Variants in CASC3 observed in about 807,000 individuals in gnomAD.
The protein encoded by CASC3 is CASC3 exon junction complex subunit, also known as protein CASC3.
Under a neutral mutation model 80.5 loss-of-function variants are expected in CASC3, and 30 were observed. The observed-to-expected ratio is 0.37, with a 90% CI of 0.28 to 0.51. The LOEUF (loss-of-function observed/expected upper bound fraction) is 0.51. CASC3 is among the 20% of genes least tolerant of loss of function. The pLI, the probability that CASC3 is intolerant of heterozygous loss-of-function variation, is 0.94. For missense variants in CASC3, 824 were observed against 922.2 expected (o/e 0.89, Z 1.38); for synonymous variants, 312 against 333.6 (o/e 0.94, Z 0.70).
At position 40,140,693 on chromosome 17, in the gene CASC3, C is replaced by T; in HGVS notation, c.145C>T (p.Pro49Ser). ...CGGAGGCGGCGGCAGCGGCTCTCTG[C>T]CTTCACAGCGCGGAGGCCGAACCGG... ...SAGGGGSGSL[P>S]SQRGGRTGAL... is the part of the protein sequence containing the mutation. Residue 49 changes from proline (P) to serine (S), a missense_variant, in exon 1 of 14, where the codon CCT (proline) becomes TCT (serine). This residue lies in a region of CASC3 where 159 missense variants were observed against 122.2 expected (regional missense o/e 1.30). Transcript: ENST00000264645. 1 of 1,590,786 alleles carries T rather than the reference C, an allele frequency of 6.3e-7. No homozygotes were observed. The highest frequency in any genetic ancestry group is 8.5e-7 in the Non-Finnish European group (1 of 1,170,508).
chr17:40,165,009 C>T (rs1046320829), intron 7 of CASC3, among the ~76,000 whole-genome samples: 5 of 148,718 alleles, frequency 3.4e-5, no homozygotes, highest in African/African-American at 1.2e-4. Flanking sequence ...CAAGCTCTGC[C>T]TCCTGGGTTC....
chr17:40,167,540 C>T lies in CASC3; in HGVS notation c.1579C>T (p.Gln527Ter). ...AGCCAAACGCTATTCATCCCAGCGG[C>T]AAAGACCTGTGCCAGAGCCCCCCGC... is the stretch of plus-strand genomic sequence containing the variant. ...GRAKRYSSQR[Q>*]RPVPEPPAPP... Residue 527 changes from glutamine to a stop codon, truncating the protein, a stop_gained, in exon 9 of 14, where the codon CAA becomes TAA. Coordinates refer to ENST00000264645, the MANE Select transcript of CASC3 (RefSeq NM_007359.5). LOFTEE classifies it high-confidence loss of function. The T allele has an allele frequency of 6.2e-7, 1 of 1,614,110 alleles. No individual in the cohort carries two copies. Among genetic ancestry groups the T allele is most frequent in the Non-Finnish European group, 8.5e-7 (1 of 1,180,008 alleles).
intron 13 of CASC3, among the ~76,000 whole-genome samples, chr17:40,169,964 C>T (rs1212168761): frequency 6.6e-6 from 1 of 151,910 alleles, no homozygotes; most frequent in African/African-American, 2.4e-5. Context: ...CCATATTGGC[C>T]AGGCTGGTCT....
chr17:40,143,498 C>CATGGTGACTACAGTCAACCAGTAA (rs1256951273), intron 3 of CASC3, among the ~76,000 whole-genome samples: 2 of 151,980 alleles, frequency 1.3e-5, no homozygotes, highest in African/African-American at 4.8e-5. Flanking sequence ...ATATTTGCAA[C>CATGGTGACTACAGTCAACCAGTAA]ATGGTGACTA....
chr17:40,171,802 ATTCC>A lies in CASC3; in HGVS notation c.*1402_*1405del. ...TCTCCCCGGTAATGTCACTGTTTTT[ATTCC>A]TTCCATCTAGCAGCTGGCCTAATCA... On this transcript the variant is annotated 3_prime_UTR_variant, in exon 14 of 14. Coordinates refer to ENST00000264645, the MANE Select transcript of CASC3 (RefSeq NM_007359.5). 8.5e-7 allele frequency: 1 copy of A among 1,171,420 alleles called. No homozygotes were observed. Among genetic ancestry groups the A allele is most frequent in the South Asian group, 1.7e-5 (1 of 58,850 alleles). The allele number at this position is 1,171,420 out of a possible 1,614,324, so 72.6% of individuals were successfully genotyped here.
At chr17:40,153,044 G>A (rs1172614875) in intron 3 of CASC3, among the ~76,000 whole-genome samples, 2 of 152,030 alleles carry the variant, frequency 1.3e-5, no homozygotes, top group Non-Finnish European at 2.9e-5. Flanking sequence ...CAAAGTGCTG[G>A]GATTACAGGT....
At chr17:40,156,221 G>A (rs182589870) in intron 3 of CASC3, among the ~76,000 whole-genome samples, 1 of 152,210 alleles carries the variant, frequency 6.6e-6, no homozygotes, top group East Asian at 1.9e-4. Context: ...CTAGTCTTGA[G>A]GAGGAAAAAC....
intron 1 of CASC3, 160 bp from the exon 2 acceptor site, chr17:40,141,047 C>G: frequency 1.4e-6 from 1 of 712,692 alleles, no homozygotes; most frequent in Non-Finnish European, 2.4e-6. Flanking sequence ...GGGAAGGAGA[C>G]CAGACCTGCC....
At chr17:40,146,432 CTTTTTT>C (rs761549032) in intron 3 of CASC3, among the ~76,000 whole-genome samples, 1 of 134,936 alleles carries the variant, frequency 7.4e-6, no homozygotes, top group South Asian at 2.4e-4. Flanking sequence ...AGTACGATTT[CTTTTTT>C]TTTTTTTTTT....
In CASC3 at chr17:40,168,399, T is replaced by C; in HGVS notation, c.1947T>C (p.His649=). 2 of 1,613,700 alleles carry C rather than the reference T, an allele frequency of 1.2e-6. No homozygotes were observed. Among genetic ancestry groups the C allele is most frequent in the East Asian group, 2.2e-5 (1 of 44,882 alleles). Residue 649 remains histidine, a synonymous_variant, in exon 11 of 14, where the codon CAT becomes CAC. Coordinates refer to ENST00000264645, the MANE Select transcript of CASC3 (RefSeq NM_007359.5). The stretch of plus-strand genomic sequence containing the variant: ...CACTGCCTCCCCCACCACCGCCTCA[T>C]CTGTATCCTAATACACAGGTGAGAT... ...PGALPPPPPP[H]LYPNTQAPSQ... is the part of the protein sequence containing the mutation.
chr17:40,151,926 C>T (rs1156663769), intron 3 of CASC3, among the ~76,000 whole-genome samples: 3 of 152,062 alleles, frequency 2.0e-5, no homozygotes, highest in African/African-American at 7.2e-5. Flanking sequence ...CCTCCCCACC[C>T]CAGCTTTATT....
intron 3 of CASC3, among the ~76,000 whole-genome samples, chr17:40,156,558 G>A (rs576393648): frequency 6.6e-5 from 10 of 151,996 alleles, no homozygotes; most frequent in South Asian, 2.1e-4. Context: ...GCATGGTGGC[G>A]GGCGCCTGTA....
rs1187883640 is a variant in CASC3, at chr17:40,140,653, C to G, written c.105C>G (p.Ser35Arg). 10 of 1,607,092 alleles carry G rather than the reference C, an allele frequency of 6.2e-6. No individual in the cohort carries two copies. The highest frequency in any genetic ancestry group is 8.5e-6 in the Non-Finnish European group (10 of 1,178,330). Reference protein sequence around the residue: ...SGGSPLRGGGSCSGSAGGGGS... With the variant: ...SGGSPLRGGGRCSGSAGGGGS... ...GCTCCCCGTTGCGGGGAGGCGGGAG[C>G]TGCAGCGGTAGCGCCGGAGGCGGCG... Residue 35 changes from serine (S) to arginine (R), a missense_variant, in exon 1 of 14, where the codon AGC becomes AGG. Around this residue, in one of 3 missense-constraint regions of CASC3, gnomAD observed 159 missense variants for 122.2 expected, o/e 1.30. Coordinates refer to ENST00000264645, the MANE Select transcript of CASC3 (RefSeq NM_007359.5).
rs1989506718 is a variant in CASC3, at chr17:40,168,365, C to T, written c.1913C>T (p.Ala638Val). The part of the protein sequence containing the change: ...MNFGNPSYPY[A>V]PGALPPPPPP... ...TTTGGTAATCCCAGTTACCCTTATG[C>T]TCCAGGGGCACTGCCTCCCCCACCA... The change falls in exon 11 of 14, where the codon GCT (alanine) becomes GTT (valine). Residue 638 changes from alanine to valine, a missense_variant. Coordinates refer to ENST00000264645, the MANE Select transcript of CASC3 (RefSeq NM_007359.5). The T allele has an allele frequency of 1.9e-6, 3 of 1,614,142 alleles. No individual in the cohort carries two copies. The highest frequency in any genetic ancestry group is 2.5e-6 in the Non-Finnish European group (3 of 1,180,030).
chr17:40,168,183 T>G lies in CASC3; in HGVS notation c.1751-20T>G. ...AATGATGTTACTTTATTTTTCAGTTTTTTTCTTCTCCTTATCCAGGTTTAC... is the reference window on the plus strand; with the variant it reads ...AATGATGTTACTTTATTTTTCAGTTGTTTTCTTCTCCTTATCCAGGTTTAC... On this transcript the variant is annotated intron_variant, in intron 10 of 13. Transcript: ENST00000264645. The G allele has an allele frequency of 6.2e-7, 1 of 1,608,682 alleles. No individual in the cohort carries two copies. The highest frequency in any genetic ancestry group is 8.5e-7 in the Non-Finnish European group (1 of 1,175,244).
chr17:40,172,146 A>C lies in CASC3; in HGVS notation c.*1741A>C. ...TTGTGATCAGCATTGTGACTTGGAG[A>C]TAATAAAATTTAGACTATAAACTTG... On this transcript the variant is annotated 3_prime_UTR_variant, in exon 14 of 14. Coordinates refer to ENST00000264645, the MANE Select transcript of CASC3 (RefSeq NM_007359.5). 1 of 1,289,840 alleles carries C rather than the reference A, an allele frequency of 7.8e-7. No individual in the cohort carries two copies. Among genetic ancestry groups the C allele is most frequent in the Non-Finnish European group, 1.0e-6 (1 of 988,836 alleles). 79.9% of individuals were successfully genotyped at this position (1,289,840 alleles called of 1,614,324 possible).
Position 40,162,862 on chromosome 17 carries a change from A to G in CASC3, c.746A>G (p.Asn249Ser). Reference protein sequence around the residue: ...LYGYDIRSAHNPDDIKPRRIR... With the variant: ...LYGYDIRSAHSPDDIKPRRIR... Reference sequence around the variant, plus strand: ...GGTTATGACATTCGCTCAGCTCATAATCCTGATGACATCAAACCTCGAAGA... The same window carrying G: ...GGTTATGACATTCGCTCAGCTCATAGTCCTGATGACATCAAACCTCGAAGA... Residue 249 changes from asparagine to serine, a missense_variant, in exon 6 of 14, where the codon AAT (asparagine) becomes AGT (serine). By Grantham distance (46) the Asn-to-Ser change is conservative (BLOSUM62 1). This residue lies in a region of CASC3 where 201 missense variants were observed against 294.1 expected (regional missense o/e 0.68). Coordinates refer to ENST00000264645, the MANE Select transcript of CASC3 (RefSeq NM_007359.5). 1.2e-6 allele frequency: 2 copies of G among 1,614,094 alleles called. No homozygotes were observed. Among genetic ancestry groups the G allele is most frequent in the Non-Finnish European group, 1.7e-6 (2 of 1,179,998 alleles).
At chr17:40,147,976 G>A (rs1040098202) in intron 3 of CASC3, among the ~76,000 whole-genome samples, 5 of 151,922 alleles carry the variant, frequency 3.3e-5, no homozygotes, top group Non-Finnish European at 7.4e-5. Context: ...TATGATATGC[G>A]GATGTCTTTC....
At chr17:40,141,325 G>A (rs376580890) in intron 2 of CASC3, 91 bp downstream of exon 2, 2 of 1,255,430 alleles carry the variant, frequency 1.6e-6, no homozygotes, top group East Asian at 4.6e-5. Flanking sequence ...CTCACACACT[G>A]TCACGGATTT....
Sources: allele counts gnomAD v4.1 joint callset (sites outside exome capture counted in the v4.1 genomes callset), GRCh38; gene constraint gnomAD v4.1.1; regional missense constraint gnomAD v4.1.1; transcripts MANE v1.5; gene names NCBI Gene and HGNC (gene_info 2026-07-23, HGNC 2026-07-21).